The following CR2 variants were observed in gnomAD, a reference collection of about 807,000 sequenced individuals.
The protein encoded by CR2 is complement C3d receptor 2.
In CR2, 96 loss-of-function variants were observed where a neutral mutation model predicts 123.0. That is an observed-to-expected ratio of 0.78 (90% confidence interval 0.66 to 0.93). The LOEUF (loss-of-function observed/expected upper bound fraction) is 0.93. Ranked by LOEUF, CR2 falls within the 40% of genes least tolerant of loss-of-function variation. The pLI is 0.00. For synonymous variants in CR2, 484 were observed against 469.5 expected (o/e 1.03, Z -0.40); for missense variants, 1,258 against 1,361.0 (o/e 0.92, Z 1.19).
intron 1 of CR2, among the ~76,000 whole-genome samples, chr1:207,460,909 T>C (rs1657948211): frequency 6.6e-6 from 1 of 152,148 alleles, no homozygotes; most frequent in Non-Finnish European, 1.5e-5. Flanking sequence ...ATAATCAACA[T>C]ATTTTCTCCT....
chr1:207,473,119 A>G lies in CR2; in HGVS notation c.1918A>G (p.Ser640Gly). The change falls in exon 10 of 20, where the codon AGT becomes GGT. Residue 640 changes from serine to glycine, a missense_variant. Transcript: ENST00000367057. Reference sequence around the variant, plus strand: ...TAGTGGATTTACTTTGAAGGGCAGTAGTCAGATTCGTTGCAAAGCTGATAA... The same window carrying G: ...TAGTGGATTTACTTTGAAGGGCAGTGGTCAGATTCGTTGCAAAGCTGATAA... Reference protein sequence around the residue: ...CYSGFTLKGSSQIRCKADNTW... With the variant: ...CYSGFTLKGSGQIRCKADNTW... 4 of 1,613,974 alleles carry G rather than the reference A, an allele frequency of 2.5e-6. No homozygotes were observed. Among genetic ancestry groups the G allele is most frequent in the Non-Finnish European group, 3.4e-6 (4 of 1,179,896 alleles).
chr1:207,487,231 G>T (rs1301293618), intron 19 of CR2, among the ~76,000 whole-genome samples: 1 of 152,116 alleles, frequency 6.6e-6, no homozygotes, highest in Non-Finnish European at 1.5e-5. Context: ...CAGTGTTGCT[G>T]GTAGGCCAAA....
chr1:207,476,518 AT>A, intron 15 of CR2, 99 bp downstream of exon 15: 1 of 1,043,874 alleles, frequency 9.6e-7, no homozygotes, highest in African/African-American at 1.6e-5. Flanking sequence ...AAAGAAATGA[AT>A]TAACTGTCTG....
intron 1 of CR2, among the ~76,000 whole-genome samples, chr1:207,458,417 C>T (rs999692976): frequency 2.0e-5 from 3 of 152,086 alleles, no homozygotes; most frequent in Admixed American, 6.6e-5. Context: ...TCTCCAATGA[C>T]TTCTATTCAG....
rs750826434 is a variant in CR2 at position 207,454,516 on chromosome 1, C to T, written c.58+40C>T. On this transcript the variant is annotated intron_variant, in intron 1 of 19. Coordinates refer to ENST00000367057, the MANE Select transcript of CR2 (RefSeq NM_001006658.3). This position sits in a 1 kb window ranked among gnomAD's most constrained non-coding sequence, Gnocchi z 4.3. The stretch of plus-strand genomic sequence containing the variant: ...GGAGCACGGAGGTGGGGACGCGTCC[C>T]GGGCAGGGAAAGTTTCTGTGCCGCG... 6.9e-7 allele frequency: 1 copy of T among 1,443,224 alleles called. No homozygotes were observed. The highest frequency in any genetic ancestry group is 1.3e-5 in the South Asian group (1 of 77,016). 89.4% of individuals were successfully genotyped at this position (1,443,224 alleles called of 1,614,324 possible). A position where few individuals can be genotyped will look rare whatever the true frequency, so the allele number is the denominator to read the frequency against.
At position 207,473,463 on chromosome 1, in the gene CR2, G is replaced by C. The variant is rs568519767; in HGVS notation, c.1979-82G>C. On this transcript the variant is annotated intron_variant, in intron 10 of 19. Coordinates refer to ENST00000367057, the MANE Select transcript of CR2 (RefSeq NM_001006658.3). ...ATCTTTGGCATCAGAGTTTCAGACT[G>C]TCTGTCCAATGTTGTACACTTAGTG... 2.2e-4 allele frequency: 310 copies of C among 1,407,596 alleles called. 2 individuals carry two copies. The African/African-American group carries it at 3.3e-3, about 15-fold the overall frequency. The allele number at this position is 1,407,596 out of a possible 1,614,324, so 87.2% of individuals were successfully genotyped here.
In CR2 at chr1:207,478,037, CA is replaced by C. The variant is rs1325379211; in HGVS notation, c.3057del (p.Gln1019HisfsTer25). The C allele has an allele frequency of 6.2e-7, 1 of 1,613,994 alleles. No individual in the cohort carries two copies. The highest frequency in any genetic ancestry group is 8.5e-7 in the Non-Finnish European group (1 of 1,179,982). On this transcript the variant is annotated frameshift_variant, in exon 16 of 20. Coordinates refer to ENST00000367057, the MANE Select transcript of CR2 (RefSeq NM_001006658.3). LOFTEE classifies it high-confidence loss of function. ...SPQSQCQSDH[Q>X]WNPPLAVCRS... The stretch of plus-strand genomic sequence containing the variant: ...CCAGAGCCAGTGCCAATCGGATCAC[CA>C]ATGGAACCCTCCCCTGGCGGTTTGC...
intron 19 of CR2, among the ~76,000 whole-genome samples, chr1:207,486,871 G>T (rs1174355943): frequency 1.3e-5 from 2 of 152,218 alleles, no homozygotes; most frequent in East Asian, 3.8e-4. Flanking sequence ...AAAATCAGGA[G>T]TTCCACTGTG....
chr1:207,476,541 G>T (rs1478040222), intron 15 of CR2, 122 bp downstream of exon 15: 2 of 860,082 alleles, frequency 2.3e-6, no homozygotes, highest in East Asian at 2.7e-5. Flanking sequence ...TTACATTAAA[G>T]GCTTTAATTA....
chr1:207,472,760 T>C lies in CR2; in HGVS notation c.1571-12T>C. The C allele has an allele frequency of 1.9e-6, 3 of 1,612,786 alleles. No homozygotes were observed. Among genetic ancestry groups the C allele is most frequent in the Non-Finnish European group, 2.5e-6 (3 of 1,179,376 alleles). On this transcript the variant is annotated splice_polypyrimidine_tract_variant and intron_variant, in intron 9 of 19. Transcript: ENST00000367057. ...AGGAACTCAATTCTACAGTATCTTT[T>C]CATCTCTCTAGAAATCACCTGCCCA...
At chr1:207,480,800 T>C (rs1162494877) in intron 18 of CR2, among the ~76,000 whole-genome samples, 1 of 152,164 alleles carries the variant, frequency 6.6e-6, no homozygotes, top group African/African-American at 2.4e-5. Context: ...TGTGTTTAAT[T>C]AATACCTTTA....
chr1:207,472,906 A>G lies in CR2; in HGVS notation c.1705A>G (p.Ile569Val). ...AGAAAGAGGAGTGGAATTCAGCCTC[A>G]TTGGAGAGAGCACCATCCGTTGTAC... The part of the protein sequence containing the change: ...GPERGVEFSL[I>V]GESTIRCTSN... Residue 569 changes from isoleucine to valine, a missense_variant, in exon 10 of 20, where the codon ATT becomes GTT. Ile to Val is a conservative substitution (Grantham distance 29). Transcript: ENST00000367057. 5.6e-6 allele frequency: 9 copies of G among 1,614,090 alleles called. No homozygotes were observed. Among genetic ancestry groups the G allele is most frequent in the Non-Finnish European group, 7.6e-6 (9 of 1,179,984 alleles).
chr1:207,474,031 C>G, intron 12 of CR2, 146 bp downstream of exon 12: 1 of 863,762 alleles, frequency 1.2e-6, no homozygotes, highest in Admixed American at 2.0e-5. Flanking sequence ...GCCTAAATAG[C>G]AACTCTGACT....
At chr1:207,474,110 A>G (rs1658365298) in intron 12 of CR2, 131 bp from the exon 13 acceptor site, 1 of 933,806 alleles carries the variant, frequency 1.1e-6, no homozygotes. Flanking sequence ...TTGGAGTAAA[A>G]AAAAGTAGTT....
rs1658559268 is a variant in CR2, at chr1:207,480,013, A to C, written c.3148A>C (p.Ile1050Leu). 2.5e-6 allele frequency: 4 copies of C among 1,613,172 alleles called. No individual in the cohort carries two copies. Among genetic ancestry groups the C allele is most frequent in the Non-Finnish European group, 2.5e-6 (3 of 1,179,386 alleles). ...AGGTTTGATACTTCTTACCTTCTTGATTGTCATTACCTTATACGTGATATC... is the reference window on the plus strand; with the variant it reads ...AGGTTTGATACTTCTTACCTTCTTGCTTGTCATTACCTTATACGTGATATC... ...AAGLILLTFL[I>L]VITLYVISKH... Residue 1050 changes from isoleucine (I) to leucine (L), a missense_variant, in exon 18 of 20, where the codon ATT becomes CTT. Ile to Leu is a conservative substitution (Grantham distance 5). Transcript: ENST00000367057.
At chr1:207,471,885 C>T (rs1658293587) in intron 9 of CR2, 2 of 299,406 alleles carry the variant, frequency 6.7e-6, no homozygotes, top group East Asian at 8.4e-5. Context: ...TACAACTCCT[C>T]TGAAACTCTA....
At chr1:207,481,631 A>G (rs1226370971) in intron 18 of CR2, among the ~76,000 whole-genome samples, 1 of 152,164 alleles carries the variant, frequency 6.6e-6, no homozygotes, top group Non-Finnish European at 1.5e-5. Flanking sequence ...TTTGGGAAGA[A>G]CTGACCTCTT....
At chr1:207,470,672 T>G in intron 6 of CR2, 68 bp from the exon 7 acceptor site, 1 of 1,478,960 alleles carries the variant, frequency 6.8e-7, no homozygotes, top group South Asian at 1.1e-5. Flanking sequence ...TATCAATTTC[T>G]TTGGCTCAGT....
At chr1:207,477,137 T>A (rs938900776) in intron 15 of CR2, among the ~76,000 whole-genome samples, 3 of 152,206 alleles carry the variant, frequency 2.0e-5, no homozygotes, top group Non-Finnish European at 4.4e-5. Context: ...TAAAGACATA[T>A]CTGAAACTGG....
Sources: gnomAD v4.1 joint callset for allele counts (sites outside exome capture counted in the v4.1 genomes callset) on GRCh38, gnomAD v4.1.1 for gene constraint, Gnocchi (gnomAD v3.1) non-coding constraint, MANE v1.5 for transcripts, NCBI Gene and HGNC (gene_info 2026-07-23, HGNC 2026-07-21) for gene names.